MAP2: variants seen among roughly 807,000 people sequenced by gnomAD.
MAP2 encodes microtubule associated protein 2.
A neutral mutation model predicts 137.6 loss-of-function variants in MAP2; 14 were observed. The observed-to-expected ratio is 0.10, with a 90% CI of 0.07 to 0.16. MAP2 has a LOEUF of 0.16. Ranked by LOEUF, MAP2 falls within the 10% of genes least tolerant of loss-of-function variation. MAP2 has a pLI of 1.00. For missense variants in MAP2, 2,088 were observed against 2,191.5 expected (o/e 0.95, Z 0.94); for synonymous variants, 786 against 782.3 (o/e 1.00, Z -0.08).
At chr2:209,525,082 T>C (rs992749079) in intron 2 of MAP2, among the ~76,000 whole-genome samples, 2 of 152,148 alleles carry the variant, frequency 1.3e-5, no homozygotes, top group African/African-American at 2.4e-5. Flanking sequence ...CGTTCTAGCT[T>C]TTATCCATAT....
chr2:209,642,209 G>A (rs76676536), intron 4 of MAP2, among the ~76,000 whole-genome samples: 23,322 of 151,868 alleles, frequency 0.15, 2,471 homozygotes, highest in African/African-American at 0.29. Flanking sequence ...TTGGAAGGCT[G>A]AGGCAGAGGA....
chr2:209,444,592 T>G (rs1265954340), intron 1 of MAP2, among the ~76,000 whole-genome samples: 5 of 151,470 alleles, frequency 3.3e-5, no homozygotes, highest in Non-Finnish European at 7.4e-5. Flanking sequence ...TTTAGTAAAA[T>G]TAAGATATTT....
At chr2:209,680,598 T>TG in intron 6 of MAP2, 152 bp from the exon 7 acceptor site, 1 of 639,606 alleles carries the variant, frequency 1.6e-6, no homozygotes, top group Admixed American at 2.4e-5. Flanking sequence ...AATCAGGTAA[T>TG]GGGCCTATAA....
intron 3 of MAP2, among the ~76,000 whole-genome samples, chr2:209,608,913 A>G (rs1458273168): frequency 2.0e-5 from 3 of 151,942 alleles, no homozygotes; most frequent in African/African-American, 4.8e-5. Context: ...TGCCCAAATT[A>G]TGTGTAACTT....
At chr2:209,682,942 C>G (rs980713542) in intron 7 of MAP2, among the ~76,000 whole-genome samples, 2 of 152,122 alleles carry the variant, frequency 1.3e-5, no homozygotes, top group African/African-American at 4.8e-5. Context: ...GCTTTTCAAG[C>G]ATCAGAGAAT....
At chr2:209,582,538 G>A (rs767820273) in intron 3 of MAP2, among the ~76,000 whole-genome samples, 3 of 151,970 alleles carry the variant, frequency 2.0e-5, no homozygotes, top group Non-Finnish European at 2.9e-5. Flanking sequence ...TTTTGCTGCA[G>A]CAAAGGGGAG....
chr2:209,447,894 C>T (rs772513849), intron 1 of MAP2, among the ~76,000 whole-genome samples: 6 of 152,082 alleles, frequency 3.9e-5, no homozygotes, highest in Non-Finnish European at 7.4e-5. Context: ...GTGGTTAACT[C>T]ATAACTTAAA....
At chr2:209,675,608 T>C (rs1488625409) in intron 5 of MAP2, among the ~76,000 whole-genome samples, 1 of 151,910 alleles carries the variant, frequency 6.6e-6, no homozygotes, top group Non-Finnish European at 1.5e-5. Context: ...ACATCCTTTA[T>C]GTATTAAATC....
chr2:209,683,580 A>G (rs1001706795), intron 7 of MAP2, among the ~76,000 whole-genome samples: 2 of 152,242 alleles, frequency 1.3e-5, no homozygotes, highest in Non-Finnish European at 2.9e-5. Context: ...TAAATTAGTG[A>G]CAAGTCACAA....
intron 3 of MAP2, among the ~76,000 whole-genome samples, chr2:209,601,977 G>C (rs989481312): frequency 6.6e-6 from 1 of 152,124 alleles, no homozygotes; most frequent in African/African-American, 2.4e-5. Flanking sequence ...AAGCTTCAAG[G>C]TCTGTTTTAA....
intron 1 of MAP2, among the ~76,000 whole-genome samples, chr2:209,435,317 G>A (rs1028275934): frequency 6.6e-6 from 1 of 151,772 alleles, no homozygotes; most frequent in Non-Finnish European, 1.5e-5. Flanking sequence ...TTCAGAGGAG[G>A]GAGTGTCATT....
chr2:209,523,688 C>G (rs549908268), intron 2 of MAP2, among the ~76,000 whole-genome samples: 1 of 152,294 alleles, frequency 6.6e-6, no homozygotes, highest in South Asian at 2.1e-4. Flanking sequence ...CTGCATGAGA[C>G]CTATTCAGCT....
chr2:209,726,718 C>G (rs942678564), intron 14 of MAP2, among the ~76,000 whole-genome samples: 3 of 152,172 alleles, frequency 2.0e-5, no homozygotes, highest in Admixed American at 1.3e-4. Flanking sequence ...AAGCTATGAT[C>G]ACACCACTGC....
At chr2:209,477,850 A>T (rs73069100) in intron 1 of MAP2, among the ~76,000 whole-genome samples, 1,812 of 151,800 alleles carry the variant, frequency 0.012, 46 homozygotes, top group African/African-American at 0.04. Context: ...ATTAAAAAAA[A>T]AAAAAAAGCC....
At chr2:209,553,174 G>A (rs1440968353) in intron 2 of MAP2, among the ~76,000 whole-genome samples, 1 of 151,840 alleles carries the variant, frequency 6.6e-6, no homozygotes, top group African/African-American at 2.4e-5. Context: ...ACCACGCCCG[G>A]CTAATTTTTT....
intron 1 of MAP2, among the ~76,000 whole-genome samples, chr2:209,504,047 G>A (rs564235406): frequency 6.6e-6 from 1 of 151,334 alleles, no homozygotes; most frequent in East Asian, 2.0e-4. Flanking sequence ...AGTGAGCTGA[G>A]ATGGTGCCAT....
chr2:209,603,023 A>G (rs1462906035), intron 3 of MAP2, among the ~76,000 whole-genome samples: 1 of 152,288 alleles, frequency 6.6e-6, no homozygotes, highest in East Asian at 1.9e-4. Context: ...ATAGAAACCA[A>G]TTAACCACAA....
chr2:209,732,510 T>C lies in MAP2; in HGVS notation c.*2113T>C, dbSNP rs569798360. 1 of 152,358 alleles carries C rather than the reference T, an allele frequency of 6.6e-6. No individual in the cohort carries two copies. Among genetic ancestry groups the C allele is most frequent in the African/African-American group, 2.4e-5 (1 of 41,600 alleles). 9.4% of individuals were successfully genotyped at this position (152,358 alleles called of 1,614,324 possible). On this transcript the variant is annotated 3_prime_UTR_variant, in exon 16 of 16. Coordinates refer to ENST00000682079, the MANE Select transcript of MAP2 (RefSeq NM_001375505.1). ...GGTTTGATTTGACCAATCTGGGCAATTTATTCATCAGCTTCCCTTGAAGTG... is the reference window on the plus strand; with the variant it reads ...GGTTTGATTTGACCAATCTGGGCAACTTATTCATCAGCTTCCCTTGAAGTG...
rs189862634 is a variant in MAP2 at position 209,648,920 on chromosome 2, A to G, written c.-29-4222A>G. On this transcript the variant is annotated intron_variant, in intron 4 of 15. Coordinates refer to ENST00000682079, the MANE Select transcript of MAP2 (RefSeq NM_001375505.1). ...CAGTTAAGATCTGTGATCTTTTGCA[A>G]TTTGGAGAGTTTCCCATTGTACAGT... is the stretch of plus-strand genomic sequence containing the variant. Among the ~76,000 whole-genome samples the G allele has an allele frequency of 1.2e-4, 19 of 152,276 alleles. 1 individual carries two copies. In the East Asian group the frequency reaches 1.3e-3, roughly 11 times the overall value.
Sources: gnomAD v4.1 joint callset for allele counts (sites outside exome capture counted in the v4.1 genomes callset) on GRCh38, gnomAD v4.1.1 for gene constraint, MANE v1.5 for transcripts, NCBI Gene and HGNC (gene_info 2026-07-23, HGNC 2026-07-21) for gene names.